EXT1: variants seen among roughly 807,000 people sequenced by gnomAD.
The protein encoded by EXT1 is exostosin-1.
Under a neutral mutation model 82.5 loss-of-function variants are expected in EXT1, and 20 were observed. That is an observed-to-expected ratio of 0.24 (90% CI 0.17 to 0.35). EXT1 has a LOEUF of 0.35. EXT1 is among the 10% of genes least tolerant of loss of function. EXT1 has a pLI of 1.00. For missense variants in EXT1, 757 were observed against 936.5 expected (o/e 0.81, Z 2.50); for synonymous variants, 348 against 350.8 (o/e 0.99, Z 0.09).
chr8:117,819,300 A>G (rs1811881359), intron 6 of EXT1, among the ~76,000 whole-genome samples: 1 of 152,216 alleles, frequency 6.6e-6, no homozygotes, highest in Non-Finnish European at 1.5e-5. Flanking sequence ...TGCTTCTTCT[A>G]TTGAAGCTTA....
chr8:117,893,670 T>C (rs1186108258), intron 1 of EXT1, among the ~76,000 whole-genome samples: 2 of 152,204 alleles, frequency 1.3e-5, no homozygotes, highest in Admixed American at 6.5e-5. Flanking sequence ...CGCTGCAGCC[T>C]GGACTAACCA....
intron 1 of EXT1, among the ~76,000 whole-genome samples, chr8:118,061,360 G>C (rs1249488186): frequency 6.6e-6 from 1 of 152,170 alleles, no homozygotes; most frequent in Non-Finnish European, 1.5e-5. Flanking sequence ...TGTAAATCAA[G>C]AGTCTCCAAG....
At chr8:118,009,883 G>A (rs10106485) in intron 1 of EXT1, among the ~76,000 whole-genome samples, 6,116 of 152,180 alleles carry the variant, frequency 0.04, 166 homozygotes, top group Middle Eastern at 0.095. Context: ...GTTGGGAACC[G>A]CTAGTCTATA....
At chr8:117,823,572 C>T (rs1413610149) in intron 4 of EXT1, among the ~76,000 whole-genome samples, 1 of 150,492 alleles carries the variant, frequency 6.6e-6, no homozygotes, top group African/African-American at 2.4e-5. Flanking sequence ...TCACCATTTT[C>T]CAGGTCTCCA....
chr8:117,977,167 A>T (rs1815081630), intron 1 of EXT1, among the ~76,000 whole-genome samples: 1 of 152,110 alleles, frequency 6.6e-6, no homozygotes, highest in African/African-American at 2.4e-5. Context: ...TGGGTGGATC[A>T]CCTGAGGTCA....
chr8:117,858,712 AGAAG>A (rs564611274), intron 1 of EXT1, among the ~76,000 whole-genome samples: 1,284 of 65,992 alleles, frequency 0.019, 51 homozygotes, highest in East Asian at 0.081. Flanking sequence ...AAGAAAAGAA[AGAAG>A]GAAGGAAGGA....
intron 1 of EXT1, among the ~76,000 whole-genome samples, chr8:117,844,306 C>T (rs867260226): frequency 2.7e-4 from 41 of 152,032 alleles, no homozygotes; most frequent in African/African-American, 9.4e-4. Context: ...GCATGTACCA[C>T]CATGTCAAGC....
At position 117,900,603 on chromosome 8, in the gene EXT1, A is replaced by G. The variant is rs148567238; in HGVS notation, c.963-63402T>C. Among the ~76,000 whole-genome samples the G allele has an allele frequency of 1.9e-4, 29 of 152,296 alleles. No individual in the cohort carries two copies. In the East Asian group the frequency reaches 2.5e-3, roughly 13 times the overall value. Reference sequence around the variant, plus strand: ...ACTCCCCTCACTGACAAACGGGCTAAGCTGCTATATTTGCCAAGTTGCAGC... The same window carrying G: ...ACTCCCCTCACTGACAAACGGGCTAGGCTGCTATATTTGCCAAGTTGCAGC... On this transcript the variant is annotated intron_variant, in intron 1 of 10. Coordinates refer to ENST00000378204, the MANE Select transcript of EXT1 (RefSeq NM_000127.3).
At chr8:117,971,005 G>T (rs893520138) in intron 1 of EXT1, among the ~76,000 whole-genome samples, 2 of 152,174 alleles carry the variant, frequency 1.3e-5, no homozygotes, top group African/African-American at 4.8e-5. Flanking sequence ...CTCATGCCCT[G>T]TTATGTCTTC....
chr8:117,810,112 T>C (rs890426584), intron 8 of EXT1, among the ~76,000 whole-genome samples: 1 of 152,218 alleles, frequency 6.6e-6, no homozygotes, highest in Non-Finnish European at 1.5e-5. Flanking sequence ...TTAAGGCCCT[T>C]TCTCTCAAAA....
chr8:117,890,127 C>T (rs1813217835), intron 1 of EXT1, among the ~76,000 whole-genome samples: 1 of 152,178 alleles, frequency 6.6e-6, no homozygotes, highest in Admixed American at 6.5e-5. Flanking sequence ...TAACTTATTT[C>T]AGTGGTTTCT....
chr8:118,085,182 T>A (rs539613987), intron 1 of EXT1, among the ~76,000 whole-genome samples: 1 of 152,274 alleles, frequency 6.6e-6, no homozygotes, highest in East Asian at 1.9e-4. Context: ...CAAATGTATA[T>A]CATATAGAAA....
intron 1 of EXT1, among the ~76,000 whole-genome samples, chr8:117,963,326 A>AGGT (rs1814740107): frequency 6.6e-6 from 1 of 152,078 alleles, no homozygotes; most frequent in Non-Finnish European, 1.5e-5. Flanking sequence ...TCTGTACATA[A>AGGT]GGTGGTTCTC....
At chr8:117,915,943 T>C (rs930781102) in intron 1 of EXT1, among the ~76,000 whole-genome samples, 20 of 152,348 alleles carry the variant, frequency 1.3e-4, no homozygotes, top group African/African-American at 4.8e-4. Context: ...TTTGGCTGAA[T>C]GTAAAAACTT....
At chr8:118,018,398 C>A (rs1816038646) in intron 1 of EXT1, among the ~76,000 whole-genome samples, 1 of 152,050 alleles carries the variant, frequency 6.6e-6, no homozygotes, top group Non-Finnish European at 1.5e-5. Flanking sequence ...GCCAGAAACA[C>A]CAAAGATTGC....
chr8:117,843,256 T>A (rs1812300589), intron 1 of EXT1, among the ~76,000 whole-genome samples: 1 of 152,224 alleles, frequency 6.6e-6, no homozygotes, highest in Non-Finnish European at 1.5e-5. Flanking sequence ...CTACCATGTG[T>A]CAGGCACTCT....
At chr8:117,935,810 C>T (rs973725558) in intron 1 of EXT1, among the ~76,000 whole-genome samples, 4 of 151,990 alleles carry the variant, frequency 2.6e-5, no homozygotes, top group Admixed American at 6.5e-5. Context: ...ATCACAGGTA[C>T]AGAGAGGACC....
chr8:118,055,314 G>A (rs1563642053), intron 1 of EXT1, among the ~76,000 whole-genome samples: 1 of 152,176 alleles, frequency 6.6e-6, no homozygotes, highest in East Asian at 1.9e-4. Flanking sequence ...TGTATCAATA[G>A]TTTGTTCTCT....
chr8:118,074,162 G>A lies in EXT1; in HGVS notation c.962+35923C>T, dbSNP rs145417045. On this transcript the variant is annotated intron_variant, in intron 1 of 10. Coordinates refer to ENST00000378204, the MANE Select transcript of EXT1 (RefSeq NM_000127.3). Reference sequence around the variant, plus strand: ...AAATAACTGCGGGGACGGGGAGGGGGAGGGAAGAAGGATGGGAGATGATCT... The same window carrying A: ...AAATAACTGCGGGGACGGGGAGGGGAAGGGAAGAAGGATGGGAGATGATCT... Among the ~76,000 whole-genome samples, 205 of 152,074 alleles carry A rather than the reference G, an allele frequency of 1.3e-3. 2 individuals are homozygous for A. The highest frequency in any genetic ancestry group is 4.9e-3 in the African/African-American group (204 of 41,484).
Sources: gnomAD v4.1 joint callset for allele counts (sites outside exome capture counted in the v4.1 genomes callset) on GRCh38, gnomAD v4.1.1 for gene constraint, MANE v1.5 for transcripts, NCBI Gene and HGNC (gene_info 2026-07-23, HGNC 2026-07-21) for gene names.